DOCK3: variants seen among roughly 807,000 people sequenced by gnomAD.
DOCK3 encodes dedicator of cytokinesis protein 3.
In DOCK3, 60 loss-of-function variants were observed where a neutral mutation model predicts 265.6. That is an observed-to-expected ratio of 0.23 (90% confidence interval 0.18 to 0.28). The LOEUF (loss-of-function observed/expected upper bound fraction) is 0.28. DOCK3 is among the 10% of genes least tolerant of loss of function. The probability of loss-of-function intolerance (pLI) is 1.00; values close to 1 mark genes in which losing one functional copy is unlikely to be tolerated. For missense variants in DOCK3, 1,981 were observed against 2,594.3 expected, an observed-to-expected ratio of 0.76 and a Z score of 5.14; for synonymous variants, 881 against 938.0, an observed-to-expected ratio of 0.94 and a Z score of 1.11.
intron 38 of DOCK3, among the ~76,000 whole-genome samples, chr3:51,344,912 G>C (rs1423664410): frequency 2.0e-5 from 3 of 152,170 alleles, no homozygotes; most frequent in African/African-American, 2.4e-5. Context: ...GGGGTGCCTT[G>C]GAGCATCAGG....
intron 4 of DOCK3, among the ~76,000 whole-genome samples, chr3:50,921,398 T>C (rs2050456711): frequency 1.3e-5 from 2 of 152,210 alleles, no homozygotes; most frequent in South Asian, 4.1e-4. Flanking sequence ...TTCAGCTCCA[T>C]CAGGTTATTT....
intron 2 of DOCK3, among the ~76,000 whole-genome samples, chr3:50,804,006 C>A (rs1000850275): frequency 1.1e-4 from 17 of 151,230 alleles, no homozygotes; most frequent in African/African-American, 4.1e-4. Flanking sequence ...CAGAGACACT[C>A]CTCACCTCCC....
chr3:50,684,559 C>T (rs2034644596), intron 1 of DOCK3, among the ~76,000 whole-genome samples: 1 of 152,104 alleles, frequency 6.6e-6, no homozygotes, highest in Admixed American at 6.5e-5. Context: ...TGAGTGGGAG[C>T]CTTAGGATTC....
intron 5 of DOCK3, among the ~76,000 whole-genome samples, chr3:51,020,966 C>T (rs2079562562): frequency 6.6e-6 from 1 of 151,666 alleles, no homozygotes; most frequent in Non-Finnish European, 1.5e-5. Context: ...TTTTTTGGTT[C>T]CATAGGAATT....
chr3:50,784,746 G>A (rs183939891), intron 2 of DOCK3, among the ~76,000 whole-genome samples: 6 of 152,192 alleles, frequency 3.9e-5, no homozygotes, highest in East Asian at 1.9e-4. Context: ...AGGTATATTC[G>A]TAAGTATTTT....
chr3:50,757,101 C>G (rs1236245426), intron 1 of DOCK3, among the ~76,000 whole-genome samples: 1 of 151,710 alleles, frequency 6.6e-6, no homozygotes, highest in Admixed American at 6.6e-5. Flanking sequence ...AATCCATCTG[C>G]CTTGGCTTCA....
intron 5 of DOCK3, among the ~76,000 whole-genome samples, chr3:51,028,909 C>A (rs560942067): frequency 1.1e-4 from 17 of 152,194 alleles, no homozygotes; most frequent in Admixed American, 9.8e-4. Context: ...ATTGTCATTT[C>A]AGACATTTTA....
chr3:50,946,981 A>C (rs1402761799), intron 5 of DOCK3, among the ~76,000 whole-genome samples: 1 of 152,190 alleles, frequency 6.6e-6, no homozygotes, highest in Non-Finnish European at 1.5e-5. Context: ...TTTATGTGAG[A>C]AAATAGTTAA....
At chr3:51,159,408 T>G in intron 11 of DOCK3, 104 bp downstream of exon 11, 2 of 1,037,532 alleles carry the variant, frequency 1.9e-6, no homozygotes, top group Middle Eastern at 2.1e-4. Context: ...ACCTGTAATT[T>G]CAGGTCTCAG....
chr3:50,920,350 C>T (rs943348982), intron 4 of DOCK3, among the ~76,000 whole-genome samples: 2 of 152,022 alleles, frequency 1.3e-5, no homozygotes, highest in Admixed American at 6.6e-5. Flanking sequence ...TACCCCTGGT[C>T]GAATTTTGCT....
At chr3:51,107,021 C>G (rs2109791697) in intron 9 of DOCK3, among the ~76,000 whole-genome samples, 1 of 152,348 alleles carries the variant, frequency 6.6e-6, no homozygotes. Flanking sequence ...TTCCTAATCT[C>G]AAGCCAGATT....
chr3:51,218,630 A>G (rs1354086596), intron 14 of DOCK3, among the ~76,000 whole-genome samples: 1 of 152,192 alleles, frequency 6.6e-6, no homozygotes, highest in African/African-American at 2.4e-5. Flanking sequence ...CAATGTTTTA[A>G]CCTATTTTCT....
At chr3:51,343,446 C>A (rs1238028498) in intron 38 of DOCK3, among the ~76,000 whole-genome samples, 2 of 152,222 alleles carry the variant, frequency 1.3e-5, no homozygotes, top group Admixed American at 1.3e-4. Flanking sequence ...TTGCTGGTAT[C>A]TCTTCCCTAG....
intron 4 of DOCK3, among the ~76,000 whole-genome samples, chr3:50,922,161 C>T (rs759928159): frequency 1.3e-5 from 2 of 152,220 alleles, no homozygotes; most frequent in Non-Finnish European, 2.9e-5. Context: ...GAGGTGGAGT[C>T]TACAGAGGCA....
intron 1 of DOCK3, among the ~76,000 whole-genome samples, chr3:50,681,986 A>G (rs1234761259): frequency 6.6e-6 from 1 of 152,236 alleles, no homozygotes; most frequent in African/African-American, 2.4e-5. Context: ...AGCTGTAATG[A>G]GAACATTCTT....
At chr3:51,141,050 T>C (rs57742040) in intron 9 of DOCK3, among the ~76,000 whole-genome samples, 6,970 of 152,152 alleles carry the variant, frequency 0.046, 576 homozygotes, top group African/African-American at 0.16. Context: ...GTTGCTTTGT[T>C]GATGGTGTCT....
chr3:51,125,710 A>G (rs960550781), intron 9 of DOCK3, among the ~76,000 whole-genome samples: 1 of 152,222 alleles, frequency 6.6e-6, no homozygotes, highest in African/African-American at 2.4e-5. Context: ...ATGGCAAACT[A>G]TAAAAAAAAC....
chr3:51,122,461 A>G (rs564809657), intron 9 of DOCK3, among the ~76,000 whole-genome samples: 1 of 152,214 alleles, frequency 6.6e-6, no homozygotes, highest in Non-Finnish European at 1.5e-5. Context: ...TAAAAGAAAG[A>G]TAGAGAAAGA....
intron 3 of DOCK3, among the ~76,000 whole-genome samples, chr3:50,842,597 G>A (rs2045893379): frequency 6.6e-6 from 1 of 152,010 alleles, no homozygotes; most frequent in Non-Finnish European, 1.5e-5. Flanking sequence ...TGCAATGTGA[G>A]ATGTTTAGCA....
Sources: gnomAD v4.1 joint callset for allele counts (sites outside exome capture counted in the v4.1 genomes callset) on GRCh38, gnomAD v4.1.1 for gene constraint, MANE v1.5 for transcripts, NCBI Gene and HGNC (gene_info 2026-07-23, HGNC 2026-07-21) for gene names.